The following NIPBL variants were observed in gnomAD, a reference collection of about 807,000 sequenced individuals.
The protein encoded by NIPBL is NIPBL cohesin loading factor, also known as nipped-B-like protein.
In NIPBL, 19 loss-of-function variants were observed where a neutral mutation model predicts 321.8. The ratio of observed to expected loss-of-function variants is 0.06; its 90% confidence interval spans 0.04 to 0.09. NIPBL has a LOEUF of 0.09. NIPBL is among the 10% of genes least tolerant of loss of function. The probability of loss-of-function intolerance (pLI) is 1.00; values close to 1 mark genes in which losing one functional copy is unlikely to be tolerated. For missense variants in NIPBL, 2,210 were observed against 3,327.0 expected (o/e 0.66, Z 8.26); for synonymous variants, 1,106 against 1,114.1 (o/e 0.99, Z 0.14).
intron 1 of NIPBL, among the ~76,000 whole-genome samples, chr5:36,936,608 A>G (rs1001899110): frequency 2.0e-5 from 3 of 152,052 alleles, no homozygotes; most frequent in Non-Finnish European, 4.4e-5. Context: ...TGTGTAGCTC[A>G]GAGGTCAAAG....
At chr5:36,949,865 T>G (rs1740076901) in intron 1 of NIPBL, among the ~76,000 whole-genome samples, 1 of 151,956 alleles carries the variant, frequency 6.6e-6, no homozygotes. Context: ...GTTGTGAAAT[T>G]AAATGAAGAA....
At position 36,905,868 on chromosome 5, in the gene NIPBL, C is replaced by T. The variant is rs971769693; in HGVS notation, c.-80+28690C>T. Among the ~76,000 whole-genome samples the T allele has an allele frequency of 7.2e-5, 11 of 152,058 alleles. No individual in the cohort carries two copies. The Middle Eastern group carries it at 0.01, about 141-fold the overall frequency. On this transcript the variant is annotated intron_variant, in intron 1 of 46. Coordinates refer to ENST00000282516, the MANE Select transcript of NIPBL (RefSeq NM_133433.4). ...ACGCCATTCTCCTGCCTCAGCCTCC[C>T]AAGTAGCTGGACTACAGGCACCCGC... is the stretch of plus-strand genomic sequence containing the variant.
intron 4 of NIPBL, among the ~76,000 whole-genome samples, chr5:36,959,385 A>G (rs188068135): frequency 3.3e-4 from 50 of 152,276 alleles, no homozygotes; most frequent in African/African-American, 1.1e-3. Flanking sequence ...CATAGTTACT[A>G]TTGATTCCTC....
Position 37,063,928 on chromosome 5 carries a change from A to T in NIPBL, c.7999A>T (p.Thr2667Ser). 1 of 1,614,074 alleles carries T rather than the reference A, an allele frequency of 6.2e-7. No individual in the cohort carries two copies. The highest frequency in any genetic ancestry group is 8.5e-7 in the Non-Finnish European group (1 of 1,180,006). Residue 2667 changes from threonine (T) to serine (S), a missense_variant, in exon 46 of 47, where the codon ACA becomes TCA. By Grantham distance (58) the Thr-to-Ser change is moderately conservative. Around this residue, in one of 14 missense-constraint regions of NIPBL, gnomAD observed 159 missense variants for 319.2 expected, o/e 0.50. Coordinates refer to ENST00000282516, the MANE Select transcript of NIPBL (RefSeq NM_133433.4). Reference sequence around the variant, plus strand: ...CCCTAAAAATAATACAGCAGCAGAGACAGAAGATGATGAAAGTGATGGGGA... The same window carrying T: ...CCCTAAAAATAATACAGCAGCAGAGTCAGAAGATGATGAAAGTGATGGGGA... The part of the protein sequence containing the change: ...GSPKNNTAAE[T>S]EDDESDGEDR...
chr5:36,893,447 T>G (rs1746497364), intron 1 of NIPBL, among the ~76,000 whole-genome samples: 1 of 152,178 alleles, frequency 6.6e-6, no homozygotes, highest in Non-Finnish European at 1.5e-5. Context: ...GTACTTCATT[T>G]TGTTTTTTGG....
Position 36,962,184 on chromosome 5 carries a change from G to A in NIPBL, c.520G>A (p.Val174Met). 6.2e-7 allele frequency: 1 copy of A among 1,614,084 alleles called. No individual in the cohort carries two copies. The highest frequency in any genetic ancestry group is 8.5e-7 in the Non-Finnish European group (1 of 1,179,988). The change falls in exon 6 of 47, where the codon GTG (valine) becomes ATG (methionine). Residue 174 changes from valine (V) to methionine (M), a missense_variant. Coordinates refer to ENST00000282516, the MANE Select transcript of NIPBL (RefSeq NM_133433.4). Reference protein sequence around the residue: ...NRFMPQQNSPVPSPYAPQSPA... With the variant: ...NRFMPQQNSPMPSPYAPQSPA... ...ATTTATGCCACAGCAAAATAGCCCA[G>A]TGCCTAGTCCATACGCCCCACAAAG...
Position 36,876,814 on chromosome 5 carries a change from A to T in NIPBL, c.-444A>T. The T allele has an allele frequency of 2.5e-6, 1 of 394,088 alleles. No homozygotes were observed. Among genetic ancestry groups the T allele is most frequent in the African/African-American group, 2.1e-5 (1 of 48,376 alleles). 24.4% of individuals were successfully genotyped at this position (394,088 alleles called of 1,614,324 possible). On this transcript the variant is annotated 5_prime_UTR_variant, in exon 1 of 47. Coordinates refer to ENST00000282516, the MANE Select transcript of NIPBL (RefSeq NM_133433.4). ...GACGGAACGAGAGAGAGACACACACAGGGCTCCTTCCCCCCGCCCTCCCCC... is the reference window on the plus strand; with the variant it reads ...GACGGAACGAGAGAGAGACACACACTGGGCTCCTTCCCCCCGCCCTCCCCC...
Position 37,022,092 on chromosome 5 carries a change from A to C in NIPBL, c.5370A>C (p.Thr1790=). The C allele has an allele frequency of 6.2e-7, 1 of 1,614,212 alleles. No individual in the cohort carries two copies. Among genetic ancestry groups the C allele is most frequent in the Non-Finnish European group, 8.5e-7 (1 of 1,180,014 alleles). Residue 1790 remains threonine (T), a synonymous_variant, in exon 28 of 47, where the codon ACA becomes ACC. Coordinates refer to ENST00000282516, the MANE Select transcript of NIPBL (RefSeq NM_133433.4). Reference sequence around the variant, plus strand: ...GTGAAAATGCAATTGCTGTTCGAACAAAAGCCATGAAGTGTTTGTCTGAGG... The same window carrying C: ...GTGAAAATGCAATTGCTGTTCGAACCAAAGCCATGAAGTGTTTGTCTGAGG... The part of the protein sequence containing the change: ...VLGENAIAVR[T]KAMKCLSEVV...
chr5:36,882,029 A>G (rs991591878), intron 1 of NIPBL, among the ~76,000 whole-genome samples: 3 of 151,950 alleles, frequency 2.0e-5, no homozygotes, highest in African/African-American at 7.2e-5. Flanking sequence ...ATCATTTTGT[A>G]AAGTTTCAGT....
At chr5:37,050,653 T>C (rs1169068460) in intron 40 of NIPBL, among the ~76,000 whole-genome samples, 3 of 152,190 alleles carry the variant, frequency 2.0e-5, no homozygotes, top group Non-Finnish European at 4.4e-5. Flanking sequence ...TTCAAGTAAT[T>C]ATGATTCTTT....
intron 16 of NIPBL, 63 bp downstream of exon 16, chr5:37,003,410 C>G (rs1443326900): frequency 1.1e-6 from 1 of 901,638 alleles, no homozygotes; most frequent in Admixed American, 1.9e-5. Context: ...TAGTAGTCCC[C>G]CACTTCTCTA....
chr5:36,935,833 G>C (rs1738353120), intron 1 of NIPBL, among the ~76,000 whole-genome samples: 1 of 151,986 alleles, frequency 6.6e-6, no homozygotes, highest in South Asian at 2.1e-4. Context: ...TGGCTCCAGG[G>C]ATTCCTTAAC....
intron 6 of NIPBL, among the ~76,000 whole-genome samples, chr5:36,968,301 A>G (rs963782052): frequency 6.6e-6 from 1 of 151,804 alleles, no homozygotes; most frequent in Admixed American, 6.6e-5. Flanking sequence ...AAAACTTTTC[A>G]CTGAATAAAA....
chr5:36,959,412 A>G (rs1303286435), intron 4 of NIPBL, among the ~76,000 whole-genome samples: 11 of 152,168 alleles, frequency 7.2e-5, no homozygotes, highest in African/African-American at 2.2e-4. Flanking sequence ...CATAATGGGG[A>G]TGCTTCTGAC....
chr5:36,895,067 C>G (rs1006796717), intron 1 of NIPBL, among the ~76,000 whole-genome samples: 1 of 152,146 alleles, frequency 6.6e-6, no homozygotes, highest in Non-Finnish European at 1.5e-5. Context: ...AGTATATTCA[C>G]AAAGTTATGC....
intron 32 of NIPBL, 44 bp from the exon 33 acceptor site, chr5:37,036,335 G>GTA (rs748641174): frequency 1.2e-4 from 53 of 456,836 alleles, no homozygotes; most frequent in Admixed American, 2.4e-4. Flanking sequence ...TTTCTTTTTT[G>GTA]TATATATATA....
At chr5:36,948,365 G>A (rs1739919031) in intron 1 of NIPBL, among the ~76,000 whole-genome samples, 1 of 151,888 alleles carries the variant, frequency 6.6e-6, no homozygotes, top group South Asian at 2.1e-4. Context: ...ACCTGATACA[G>A]CATTTTAAAC....
At chr5:37,020,973 A>T (rs570352213) in intron 27 of NIPBL, 96 bp downstream of exon 27, 14 of 904,956 alleles carry the variant, frequency 1.5e-5, no homozygotes, top group Non-Finnish European at 2.4e-5. Flanking sequence ...TTGAGTACAG[A>T]TACTTAAAAG....
intron 1 of NIPBL, among the ~76,000 whole-genome samples, chr5:36,878,389 TG>T (rs1329487015): frequency 6.6e-6 from 1 of 152,228 alleles, no homozygotes; most frequent in Non-Finnish European, 1.5e-5. Context: ...GTTTCGAGCT[TG>T]TTTATGGAGG....
Sources: allele counts gnomAD v4.1 joint callset (sites outside exome capture counted in the v4.1 genomes callset), GRCh38; gene constraint gnomAD v4.1.1; regional missense constraint gnomAD v4.1.1; transcripts MANE v1.5; gene names NCBI Gene and HGNC (gene_info 2026-07-23, HGNC 2026-07-21).